The following ANTXR1 variants were observed in gnomAD, a reference collection of about 807,000 sequenced individuals.
ANTXR1 encodes ANTXR cell adhesion molecule 1, also known as anthrax toxin receptor 1.
Under a neutral mutation model 78.1 loss-of-function variants are expected in ANTXR1, and 19 were observed. That is an observed-to-expected ratio of 0.24 (90% CI 0.17 to 0.36). ANTXR1 has a LOEUF of 0.36. Among genes scored for constraint, ANTXR1 ranks in the 10% least tolerant of loss-of-function variants. ANTXR1 has a pLI of 1.00. For synonymous variants in ANTXR1, 273 were observed against 260.5 expected (o/e 1.05, Z -0.46); for missense variants, 518 against 718.6 (o/e 0.72, Z 3.19).
At chr2:69,206,570 A>C (rs1674911477) in intron 17 of ANTXR1, among the ~76,000 whole-genome samples, 1 of 152,224 alleles carries the variant, frequency 6.6e-6, no homozygotes, top group South Asian at 2.1e-4. Flanking sequence ...CAATGGAAAG[A>C]TGAGTGTGTA....
intron 13 of ANTXR1, among the ~76,000 whole-genome samples, chr2:69,162,899 C>T (rs375557129): frequency 1.2e-4 from 18 of 151,914 alleles, no homozygotes; most frequent in East Asian, 3.9e-4. Context: ...CAAAACTGTG[C>T]GATCTTACAA....
intron 14 of ANTXR1, among the ~76,000 whole-genome samples, chr2:69,176,021 C>A (rs1488888643): frequency 6.6e-6 from 1 of 151,852 alleles, no homozygotes; most frequent in Non-Finnish European, 1.5e-5. Flanking sequence ...GGATGAAGGG[C>A]CAAGCTACTG....
intron 13 of ANTXR1, among the ~76,000 whole-genome samples, chr2:69,167,993 C>T (rs985140656): frequency 6.6e-6 from 1 of 152,174 alleles, no homozygotes; most frequent in Non-Finnish European, 1.5e-5. Context: ...AGTGTTGGGC[C>T]ACCTAGAACT....
At chr2:69,162,181 T>A (rs1673699537) in intron 13 of ANTXR1, among the ~76,000 whole-genome samples, 1 of 152,152 alleles carries the variant, frequency 6.6e-6, no homozygotes, top group Non-Finnish European at 1.5e-5. Flanking sequence ...TAAAGCAGGA[T>A]CTGGAAATCA....
At chr2:69,172,251 T>C in intron 14 of ANTXR1, 1 of 803,096 alleles carries the variant, frequency 1.2e-6, no homozygotes, top group Non-Finnish European at 2.1e-6. Flanking sequence ...GCAATAAAAA[T>C]TTAAACATTG....
chr2:69,048,169 A>G (rs889459333), intron 3 of ANTXR1, among the ~76,000 whole-genome samples: 1 of 152,164 alleles, frequency 6.6e-6, no homozygotes, highest in African/African-American at 2.4e-5. Context: ...ATCATTTAGA[A>G]ATAAGAAATA....
intron 12 of ANTXR1, among the ~76,000 whole-genome samples, chr2:69,126,591 G>C (rs1309896100): frequency 6.6e-6 from 1 of 152,074 alleles, no homozygotes; most frequent in African/African-American, 2.4e-5. Context: ...TTCTCATTAT[G>C]TCTGACCATA....
At chr2:69,115,072 C>T (rs545045253) in intron 10 of ANTXR1, among the ~76,000 whole-genome samples, 1 of 152,268 alleles carries the variant, frequency 6.6e-6, no homozygotes, top group East Asian at 1.9e-4. Flanking sequence ...TGGGGAGGGG[C>T]CTGTCCTGTG....
Position 69,122,615 on chromosome 2 carries a change from G to A in ANTXR1, c.803-402G>A, listed in dbSNP as rs139569004. ...TTTTGTTTTTTTATTATTATTATAC[G>A]TTAAGTTCTAGGGTACATGTGCACA... On this transcript the variant is annotated intron_variant, in intron 10 of 17. Coordinates refer to ENST00000303714, the MANE Select transcript of ANTXR1 (RefSeq NM_032208.3). Among the ~76,000 whole-genome samples, 218 of 152,074 alleles carry A rather than the reference G, an allele frequency of 1.4e-3. 2 individuals are homozygous for A. The highest frequency in any genetic ancestry group is 5.1e-3 in the African/African-American group (210 of 41,484).
chr2:69,199,428 A>G (rs983657766), intron 17 of ANTXR1, among the ~76,000 whole-genome samples: 2 of 152,310 alleles, frequency 1.3e-5, no homozygotes, highest in Admixed American at 6.5e-5. Flanking sequence ...CCCCTTTTCT[A>G]TATTTCTCCA....
intron 12 of ANTXR1, among the ~76,000 whole-genome samples, chr2:69,131,596 T>C (rs184978429): frequency 6.6e-6 from 1 of 152,266 alleles, no homozygotes; most frequent in Non-Finnish European, 1.5e-5. Context: ...AAACAGACCA[T>C]CTTGTTCACC....
At chr2:69,135,681 A>C (rs1465602991) in intron 12 of ANTXR1, among the ~76,000 whole-genome samples, 1 of 152,142 alleles carries the variant, frequency 6.6e-6, no homozygotes, top group Non-Finnish European at 1.5e-5. Context: ...GTTAACCTGG[A>C]AGTTATAATA....
intron 17 of ANTXR1, among the ~76,000 whole-genome samples, chr2:69,233,064 CAAAA>C (rs1050067862): frequency 1.3e-5 from 2 of 151,880 alleles, no homozygotes; most frequent in African/African-American, 4.8e-5. Context: ...GAAATTGACT[CAAAA>C]AAAGTACAAA....
intron 1 of ANTXR1, among the ~76,000 whole-genome samples, chr2:69,026,967 C>T (rs13402687): frequency 0.19 from 29,380 of 152,050 alleles, 6,644 homozygotes; most frequent in African/African-American, 0.54. Context: ...ATAAAGCAGA[C>T]GGACTGAGTA....
intron 1 of ANTXR1, among the ~76,000 whole-genome samples, chr2:69,029,232 T>C (rs1381152151): frequency 6.6e-6 from 1 of 150,854 alleles, no homozygotes; most frequent in Admixed American, 6.6e-5. Flanking sequence ...CTGTCTCAAA[T>C]AAAATAAAAT....
intron 1 of ANTXR1, among the ~76,000 whole-genome samples, chr2:69,039,842 G>C (rs952429527): frequency 2.0e-5 from 3 of 151,736 alleles, no homozygotes; most frequent in African/African-American, 7.3e-5. Context: ...GAGATTGGGG[G>C]AGTTCTTTTA....
In ANTXR1 at chr2:69,181,898, A is replaced by G. The variant is rs1282515717; in HGVS notation, c.1185+17A>G. ...AGAATGGAGGTAAGAGGACAGCTTC[A>G]TATACACTTATCTATGTGCTGACTA... On this transcript the variant is annotated intron_variant, in intron 15 of 17. Transcript: ENST00000303714. 2 of 1,611,604 alleles carry G rather than the reference A, an allele frequency of 1.2e-6. No individual in the cohort carries two copies. The highest frequency in any genetic ancestry group is 1.7e-5 in the Admixed American group (1 of 60,016).
chr2:69,097,931 CAACAT>C (rs1671484028), intron 9 of ANTXR1, among the ~76,000 whole-genome samples: 1 of 152,218 alleles, frequency 6.6e-6, no homozygotes, highest in Non-Finnish European at 1.5e-5. Flanking sequence ...GTATAAATCT[CAACAT>C]AATTGTGACT....
chr2:69,038,337 C>T (rs934139879), intron 1 of ANTXR1, among the ~76,000 whole-genome samples: 6 of 152,236 alleles, frequency 3.9e-5, no homozygotes, highest in African/African-American at 1.4e-4. Context: ...ATCTTCCTGC[C>T]TCTGGTTATG....
Sources: allele counts gnomAD v4.1 joint callset (sites outside exome capture counted in the v4.1 genomes callset), GRCh38; gene constraint gnomAD v4.1.1; transcripts MANE v1.5; gene names NCBI Gene and HGNC (gene_info 2026-07-23, HGNC 2026-07-21).